Variants in FAM227B observed in about 807,000 individuals in gnomAD.
The protein encoded by FAM227B is protein FAM227B.
In FAM227B, 88 loss-of-function variants were observed where a neutral mutation model predicts 73.8. That is an observed-to-expected ratio of 1.19 (90% CI 1.00 to 1.42). FAM227B has a LOEUF of 1.42. Ranked by LOEUF, FAM227B falls within the 40% of genes most tolerant of loss-of-function variation. The pLI is 0.00. For synonymous variants in FAM227B, 210 were observed against 190.5 expected (o/e 1.10, Z -0.84); for missense variants, 632 against 590.9 (o/e 1.07, Z -0.72).
At chr15:49,432,460 C>T (rs1008529691) in intron 11 of FAM227B, among the ~76,000 whole-genome samples, 1 of 151,606 alleles carries the variant, frequency 6.6e-6, no homozygotes, top group African/African-American at 2.4e-5. Context: ...AAAGAGTATA[C>T]ATGATTTCTT....
intron 11 of FAM227B, among the ~76,000 whole-genome samples, chr15:49,427,588 A>G (rs1293568469): frequency 6.6e-6 from 1 of 152,142 alleles, no homozygotes; most frequent in South Asian, 2.1e-4. Flanking sequence ...TATGCAAAAT[A>G]TAATTATTCT....
At chr15:49,441,794 AGAAAATGTATTATCTCATT>A (rs2051674848) in intron 11 of FAM227B, among the ~76,000 whole-genome samples, 1 of 151,514 alleles carries the variant, frequency 6.6e-6, no homozygotes, top group South Asian at 2.1e-4. Context: ...AAGTTTTTAA[AGAAAATGTATTATCTCATT>A]GAATTCCTAT....
At chr15:49,333,055 G>A (rs2039078071) in intron 14 of FAM227B, among the ~76,000 whole-genome samples, 1 of 151,978 alleles carries the variant, frequency 6.6e-6, no homozygotes, top group Admixed American at 6.5e-5. Flanking sequence ...TCCTTGAACT[G>A]CACAGTATCC....
intron 11 of FAM227B, among the ~76,000 whole-genome samples, chr15:49,445,948 T>A (rs2052162133): frequency 6.6e-6 from 1 of 151,600 alleles, no homozygotes; most frequent in Non-Finnish European, 1.5e-5. Context: ...TGCCCAAGTA[T>A]CAGACTTCCC....
intron 11 of FAM227B, among the ~76,000 whole-genome samples, chr15:49,428,593 CGAGT>C (rs2151769950): frequency 6.6e-6 from 1 of 151,956 alleles, no homozygotes; most frequent in Non-Finnish European, 1.5e-5. Context: ...ATTGAGGTGC[CGAGT>C]GAGAGAAAGC....
intron 13 of FAM227B, among the ~76,000 whole-genome samples, chr15:49,337,510 T>C: frequency 9.7e-6 from 1 of 102,942 alleles, no homozygotes; most frequent in East Asian, 2.5e-4. Flanking sequence ...TTTACCCACT[T>C]TTTTTTTTTT....
chr15:49,617,097 A>G (rs1263718400), intron 1 of FAM227B, among the ~76,000 whole-genome samples: 1 of 152,202 alleles, frequency 6.6e-6, no homozygotes, highest in Non-Finnish European at 1.5e-5. Context: ...CTCTACTATG[A>G]AGCTGAATGC....
chr15:49,435,779 A>C (rs2051046805), intron 11 of FAM227B, among the ~76,000 whole-genome samples: 1 of 151,610 alleles, frequency 6.6e-6, no homozygotes, highest in Non-Finnish European at 1.5e-5. Flanking sequence ...GTAGTTTATT[A>C]GATATTCAAA....
intron 11 of FAM227B, among the ~76,000 whole-genome samples, chr15:49,489,824 ATAT>A (rs2056790519): frequency 4.7e-5 from 1 of 21,430 alleles, no homozygotes. Context: ...TATATATTTT[ATAT>A]ATATATATAT....
At chr15:49,601,016 T>C (rs551264555) in intron 3 of FAM227B, among the ~76,000 whole-genome samples, 2 of 144,110 alleles carry the variant, frequency 1.4e-5, no homozygotes, top group South Asian at 4.5e-4. Context: ...CACTCCAGCC[T>C]GGGTGACAGA....
intron 10 of FAM227B, among the ~76,000 whole-genome samples, chr15:49,530,166 C>T (rs970576321): frequency 5.3e-5 from 8 of 151,634 alleles, no homozygotes; most frequent in Non-Finnish European, 1.0e-4. Flanking sequence ...ATTCCTATTA[C>T]GTATTTAGAA....
At chr15:49,404,101 G>C (rs987878055) in intron 11 of FAM227B, among the ~76,000 whole-genome samples, 2 of 151,384 alleles carry the variant, frequency 1.3e-5, no homozygotes, top group Non-Finnish European at 3.0e-5. Context: ...ATTTCTAACT[G>C]TATTGTGCTG....
chr15:49,440,972 T>C, intron 11 of FAM227B, among the ~76,000 whole-genome samples: 1 of 151,854 alleles, frequency 6.6e-6, no homozygotes, highest in Non-Finnish European at 1.5e-5. Context: ...ACCTGCTTAC[T>C]GCTTAGAGAT....
chr15:49,476,921 G>A (rs548633949), intron 11 of FAM227B, among the ~76,000 whole-genome samples: 6 of 152,170 alleles, frequency 3.9e-5, no homozygotes, highest in Admixed American at 1.3e-4. Flanking sequence ...TTAGCCGGGC[G>A]TGGTGGCGGG....
At chr15:49,380,803 GC>G (rs1252184060) in intron 11 of FAM227B, among the ~76,000 whole-genome samples, 4 of 151,808 alleles carry the variant, frequency 2.6e-5, no homozygotes, top group South Asian at 4.1e-4. Context: ...GATTTAATTG[GC>G]CCCTTGTGAC....
In FAM227B at chr15:49,455,843, A is replaced by G. The variant is rs183304972; in HGVS notation, c.1012+52368T>C. Reference sequence around the variant, plus strand: ...TATCACTATTGGGTATTATTGAACCATGGCTTTTTTCTTTTTTTTCTTTTT... The same window carrying G: ...TATCACTATTGGGTATTATTGAACCGTGGCTTTTTTCTTTTTTTTCTTTTT... On this transcript the variant is annotated intron_variant, in intron 11 of 15. Coordinates refer to ENST00000299338, the MANE Select transcript of FAM227B (RefSeq NM_152647.3). Among the ~76,000 whole-genome samples, 81 of 152,238 alleles carry G rather than the reference A, an allele frequency of 5.3e-4. 1 individual carries two copies. Among genetic ancestry groups the G allele is most frequent in the African/African-American group, 1.9e-3 (79 of 41,560 alleles).
At chr15:49,342,204 G>A (rs182522872) in intron 13 of FAM227B, among the ~76,000 whole-genome samples, 2 of 152,196 alleles carry the variant, frequency 1.3e-5, no homozygotes, top group Admixed American at 1.3e-4. Context: ...TATGAATCTG[G>A]GTGATCCAAT....
At chr15:49,560,804 G>C (rs1172133494) in intron 9 of FAM227B, among the ~76,000 whole-genome samples, 1 of 152,030 alleles carries the variant, frequency 6.6e-6, no homozygotes, top group Non-Finnish European at 1.5e-5. Context: ...GGGAGAAATA[G>C]AAAATTTTTC....
chr15:49,498,815 GCTAT>G (rs1156589529), intron 11 of FAM227B, among the ~76,000 whole-genome samples: 1 of 152,146 alleles, frequency 6.6e-6, no homozygotes. Context: ...AGCAAGGGTT[GCTAT>G]TCTTATATCA....
Sources: allele counts gnomAD v4.1 joint callset (sites outside exome capture counted in the v4.1 genomes callset), GRCh38; gene constraint gnomAD v4.1.1; transcripts MANE v1.5; gene names NCBI Gene and HGNC (gene_info 2026-07-23, HGNC 2026-07-21).